The following AP2A2 variants were observed in gnomAD, a reference collection of about 807,000 sequenced individuals.
AP2A2 encodes AP-2 complex subunit alpha-2.
A neutral mutation model predicts 104.2 loss-of-function variants in AP2A2; 32 were observed. That is an observed-to-expected ratio of 0.31 (90% CI 0.23 to 0.41). AP2A2 has a LOEUF of 0.41. Ranked by LOEUF, AP2A2 falls within the 10% of genes least tolerant of loss-of-function variation. The pLI, the probability that AP2A2 is intolerant of heterozygous loss-of-function variation, is 1.00. For synonymous variants in AP2A2, 539 were observed against 533.3 expected, an observed-to-expected ratio of 1.01 and a Z score of -0.15; for missense variants, 912 against 1,261.0, an observed-to-expected ratio of 0.72 and a Z score of 4.19.
chr11:993,793 C>T lies in AP2A2; in HGVS notation c.1590C>T (p.His530=). Residue 530 remains histidine, a synonymous_variant, in exon 13 of 22, where the codon CAC becomes CAT. Coordinates refer to ENST00000448903, the MANE Select transcript of AP2A2 (RefSeq NM_012305.4). This position sits in a 1 kb window ranked among gnomAD's most constrained non-coding sequence, Gnocchi z 8.2. Reference sequence around the variant, plus strand: ...TCCACCTGCTGCACTCCAAGTTCCACCTGTGCAGCGTCCCCACCCGCGCGC... The same window carrying T: ...TCCACCTGCTGCACTCCAAGTTCCATCTGTGCAGCGTCCCCACCCGCGCGC... ...IQFHLLHSKF[H]LCSVPTRALL... 2 of 1,606,516 alleles carry T rather than the reference C, an allele frequency of 1.2e-6. No homozygotes were observed. The highest frequency in any genetic ancestry group is 1.7e-6 in the Non-Finnish European group (2 of 1,178,912).
At chr11:1,006,209 G>A (rs983239659) in intron 16 of AP2A2, among the ~76,000 whole-genome samples, 7 of 152,382 alleles carry the variant, frequency 4.6e-5, no homozygotes, top group African/African-American at 1.4e-4. Context: ...TGCAGACGGG[G>A]CGTTCTGTGG....
intron 14 of AP2A2, among the ~76,000 whole-genome samples, chr11:999,217 G>A (rs761052954): frequency 2.0e-5 from 3 of 152,180 alleles, no homozygotes; most frequent in Admixed American, 1.3e-4. Flanking sequence ...CTTTCCTTGT[G>A]CCTTTGCCCC....
At chr11:956,449 AT>A (rs1306841602) in intron 1 of AP2A2, among the ~76,000 whole-genome samples, 2 of 152,172 alleles carry the variant, frequency 1.3e-5, no homozygotes, top group Non-Finnish European at 2.9e-5. Context: ...CATATTTTTA[AT>A]TTTTTAAAAA....
chr11:994,988 C>T (rs1172977038), intron 14 of AP2A2, among the ~76,000 whole-genome samples: 39 of 141,598 alleles, frequency 2.8e-4, no homozygotes, highest in Non-Finnish European at 1.3e-4. Flanking sequence ...CCCTGCTGGA[C>T]GCCCCTCTGG....
At chr11:963,871 C>G (rs1854525924) in intron 2 of AP2A2, among the ~76,000 whole-genome samples, 1 of 152,242 alleles carries the variant, frequency 6.6e-6, no homozygotes. Flanking sequence ...AGAGATCGGT[C>G]TGCCTTGACC....
chr11:939,126 C>G lies in AP2A2; in HGVS notation c.67+13038C>G, dbSNP rs527812923. Among the ~76,000 whole-genome samples the G allele has an allele frequency of 3.3e-5, 5 of 151,344 alleles. No homozygotes were observed. The South Asian group carries it at 1.0e-3, about 32-fold the overall frequency. On this transcript the variant is annotated intron_variant, in intron 1 of 21. Coordinates refer to ENST00000448903, the MANE Select transcript of AP2A2 (RefSeq NM_012305.4). ...ATTCCCTGAGTGTGGTGCTGGGCAC[C>G]TGTAATCCCAGCTACTTGGGAGGCT...
intron 1 of AP2A2, among the ~76,000 whole-genome samples, chr11:946,295 A>T (rs887450230): frequency 6.6e-6 from 1 of 152,194 alleles, no homozygotes. Context: ...CCTAGCAGCT[A>T]CTGGAGGGGA....
chr11:1,009,026 A>G (rs1445503600), intron 18 of AP2A2, 74 bp from the exon 19 acceptor site: 1 of 1,281,990 alleles, frequency 7.8e-7, no homozygotes, highest in South Asian at 1.3e-5. Context: ...TTCTCACTCC[A>G]GGCTCTTTCC....
At chr11:998,041 G>A (rs1021848362) in intron 14 of AP2A2, among the ~76,000 whole-genome samples, 3 of 152,274 alleles carry the variant, frequency 2.0e-5, no homozygotes, top group African/African-American at 4.8e-5. Flanking sequence ...GGCCAAGGCC[G>A]ATGGCTTCCC....
intron 10 of AP2A2, among the ~76,000 whole-genome samples, chr11:990,977 G>A (rs1855630783): frequency 2.9e-5 from 4 of 139,414 alleles, no homozygotes; most frequent in African/African-American, 2.8e-5. Flanking sequence ...AGTCGGGTAT[G>A]GTGCTCCCCT....
At chr11:957,302 C>A (rs1048919414) in intron 1 of AP2A2, among the ~76,000 whole-genome samples, 3 of 152,226 alleles carry the variant, frequency 2.0e-5, no homozygotes, top group African/African-American at 7.2e-5. Flanking sequence ...TCCTCCTGGG[C>A]CTTTTGTGCA....
In AP2A2 at chr11:1,002,219, G is replaced by T. The variant is rs142389748; in HGVS notation, c.2124-1503G>T. On this transcript the variant is annotated intron_variant, in intron 15 of 21. Coordinates refer to ENST00000448903, the MANE Select transcript of AP2A2 (RefSeq NM_012305.4). ...TAAAGTGGCTTAGTCCACACCCTGA[G>T]TGTAAACTCCGTGGCCCCTCGCGTG... is the stretch of plus-strand genomic sequence containing the variant. Among the ~76,000 whole-genome samples, 48 of 152,370 alleles carry T rather than the reference G, an allele frequency of 3.2e-4. No individual in the cohort carries two copies. In the East Asian group the frequency reaches 8.7e-3, roughly 28 times the overall value.
At chr11:958,275 C>T (rs1191680338) in intron 1 of AP2A2, among the ~76,000 whole-genome samples, 2 of 152,218 alleles carry the variant, frequency 1.3e-5, no homozygotes, top group African/African-American at 4.8e-5. Flanking sequence ...AACCACCCTG[C>T]TGGTGTGTTG....
At chr11:960,071 A>G (rs1854377917) in intron 2 of AP2A2, among the ~76,000 whole-genome samples, 2 of 152,124 alleles carry the variant, frequency 1.3e-5, no homozygotes, top group African/African-American at 2.4e-5. Context: ...CCCTGAGCAT[A>G]CCTTAGCCAC....
intron 1 of AP2A2, among the ~76,000 whole-genome samples, chr11:926,994 A>G (rs1022881134): frequency 2.0e-5 from 3 of 152,294 alleles, no homozygotes; most frequent in African/African-American, 7.2e-5. Context: ...TTTGAGGGAG[A>G]AACAAAGCCA....
chr11:984,754 G>GT lies in AP2A2; in HGVS notation c.814+2dup. On this transcript the variant is annotated splice_donor_variant, in intron 7 of 21. Coordinates refer to ENST00000448903, the MANE Select transcript of AP2A2 (RefSeq NM_012305.4). LOFTEE classifies it high-confidence loss of function. ...CTGCTGCAGTGCTACCCACCCCCAG[G>GT]TAACGCGCAGGCCGCGGCTCCTGAA... 1 of 1,603,500 alleles carries GT rather than the reference G, an allele frequency of 6.2e-7. No homozygotes were observed. The highest frequency in any genetic ancestry group is 8.5e-7 in the Non-Finnish European group (1 of 1,172,078).
chr11:986,439 T>C (rs1159545975), intron 8 of AP2A2, among the ~76,000 whole-genome samples: 1 of 152,234 alleles, frequency 6.6e-6, no homozygotes, highest in Non-Finnish European at 1.5e-5. Context: ...TGCCCTGGGC[T>C]GGTGCCTCTG....
chr11:1,003,636 C>T (rs1341629586), intron 15 of AP2A2, 86 bp from the exon 16 acceptor site: 8 of 817,158 alleles, frequency 9.8e-6, no homozygotes, highest in African/African-American at 5.3e-5. Flanking sequence ...CTGGCCTCCT[C>T]GTGCTGTGAG....
chr11:987,718 C>G (rs1007970792), intron 9 of AP2A2, among the ~76,000 whole-genome samples: 3 of 152,066 alleles, frequency 2.0e-5, no homozygotes, highest in Non-Finnish European at 4.4e-5. Flanking sequence ...CCAGCCTTTG[C>G]GAGTCTCCAG....
Sources: gnomAD v4.1 joint callset for allele counts (sites outside exome capture counted in the v4.1 genomes callset) on GRCh38, gnomAD v4.1.1 for gene constraint, Gnocchi (gnomAD v3.1) non-coding constraint, MANE v1.5 for transcripts, NCBI Gene and HGNC (gene_info 2026-07-23, HGNC 2026-07-21) for gene names.